ARHGAP40: variants seen among roughly 807,000 people sequenced by gnomAD.
ARHGAP40 encodes the protein rho GTPase-activating protein 40.
ARHGAP40 carries 43 observed loss-of-function variants against 73.5 expected under a neutral mutation model. The ratio of observed to expected loss-of-function variants is 0.58; its 90% CI spans 0.46 to 0.75. ARHGAP40 has a LOEUF of 0.75. Ranked by LOEUF, ARHGAP40 falls within the 30% of genes least tolerant of loss-of-function variation. The pLI, the probability that ARHGAP40 is intolerant of heterozygous loss-of-function variation, is 0.00. For synonymous variants in ARHGAP40, 300 were observed against 352.8 expected (o/e 0.85, Z 1.68); for missense variants, 734 against 861.8 (o/e 0.85, Z 1.86).
At chr20:38,615,327 T>C in intron 1 of ARHGAP40, 1 of 772,796 alleles carries the variant, frequency 1.3e-6, no homozygotes, top group Non-Finnish European at 2.4e-6. Context: ...TTCAGGTTAA[T>C]TGCCAGCCAC....
chr20:38,614,121 T>A (rs887375549), intron 1 of ARHGAP40, among the ~76,000 whole-genome samples: 2 of 152,200 alleles, frequency 1.3e-5, no homozygotes, highest in African/African-American at 4.8e-5. Context: ...GTGCACTGCA[T>A]GTGAGTGTTA....
chr20:38,620,093 A>T (rs980906806), intron 1 of ARHGAP40, among the ~76,000 whole-genome samples: 74 of 152,350 alleles, frequency 4.9e-4, no homozygotes, highest in African/African-American at 1.7e-3. Flanking sequence ...ATGCTTGAAC[A>T]TGTTTGCCCC....
chr20:38,632,285 C>T (rs1333709650), intron 5 of ARHGAP40, among the ~76,000 whole-genome samples: 2 of 135,414 alleles, frequency 1.5e-5, no homozygotes, highest in Non-Finnish European at 3.2e-5. Flanking sequence ...TTTTTTGAGA[C>T]GGAGTCTCGC....
rs1555792070 is a variant in ARHGAP40 at position 38,630,082 on chromosome 20, T to TTTTC, written c.783+448_783+451dup. 7.3e-3 allele frequency among the ~76,000 whole-genome samples: 664 copies of TTTTC among 90,746 alleles called. 4 individuals are homozygous for TTTTC. The highest frequency in any genetic ancestry group is 0.048 in the Middle Eastern group (10 of 210). 59.5% of individuals were successfully genotyped at this position (90,746 alleles called of 152,430 possible). ...CTTTTTTCTTTCTTTCTTTCTTTCT[T>TTTTC]TTTCTTTCTTTCTTTCTTTGTTTTT... On this transcript the variant is annotated intron_variant, in intron 5 of 14. Transcript: ENST00000373345.
exon 15 of ARHGAP40, chr20:38,650,362 G>A (rs936746962): frequency 4.2e-6 from 2 of 471,268 alleles, no homozygotes; most frequent in Non-Finnish European, 8.8e-6. Context: ...TTCGAAAGTG[G>A]CCCTACAATG....
rs951950588 is a variant in ARHGAP40 at position 38,646,296 on chromosome 20, C to A, written c.1710+109C>A. On this transcript the variant is annotated intron_variant, in intron 12 of 14. Transcript: ENST00000373345. This position sits in a 1 kb window ranked among gnomAD's most constrained non-coding sequence, Gnocchi z 4.5. ...GTCCCCGCTACCGGGCTGCCAGCAACGGCCCAGTGAGGCCACCAGGGGGCG... is the reference window on the plus strand; with the variant it reads ...GTCCCCGCTACCGGGCTGCCAGCAAAGGCCCAGTGAGGCCACCAGGGGGCG... 38 of 1,155,858 alleles carry A rather than the reference C, an allele frequency of 3.3e-5. No homozygotes were observed. In the Admixed American group the frequency reaches 1.3e-3, roughly 38 times the overall value. 71.6% of individuals were successfully genotyped at this position (1,155,858 alleles called of 1,614,324 possible).
At chr20:38,627,343 G>GCTGTTGGTATGT (rs1392883510) in intron 3 of ARHGAP40, 128 bp downstream of exon 3, 120 of 658,812 alleles carry the variant, frequency 1.8e-4, no homozygotes, top group Non-Finnish European at 2.4e-4. Context: ...TTGGTGTGTG[G>GCTGTTGGTATGT]GTGTTGGTAT....
rs6070809 is a variant in ARHGAP40, at chr20:38,628,947, C to T, written c.579C>T (p.Gly193=). ...CATAGAAAATGTCGTCAGAGAATGGCGACTCCGGTATGAAGGGGGCCCAGC... is the reference window on the plus strand; with the variant it reads ...CATAGAAAATGTCGTCAGAGAATGGTGACTCCGGTATGAAGGGGGCCCAGC... Residue 193 remains glycine, a synonymous_variant, in exon 4 of 15, where the codon GGC becomes GGT. Coordinates refer to ENST00000373345, the Ensembl canonical transcript of ARHGAP40. The T allele has an allele frequency of 9.5e-5, 124 of 1,303,848 alleles. 1 individual carries two copies. In the East Asian group the frequency reaches 1.1e-3, roughly 12 times the overall value. 80.8% of individuals were successfully genotyped at this position (1,303,848 alleles called of 1,614,324 possible). A position where few individuals can be genotyped will look rare whatever the true frequency, so the allele number is the denominator to read the frequency against.
At chr20:38,641,288 C>G (rs965665738) in intron 9 of ARHGAP40, among the ~76,000 whole-genome samples, 1 of 152,238 alleles carries the variant, frequency 6.6e-6, no homozygotes, top group East Asian at 1.9e-4. Context: ...CCTCCTCTCC[C>G]CGGAGATCCT....
At position 38,639,395 on chromosome 20, in the gene ARHGAP40, G is replaced by T. The variant is rs775557877; in HGVS notation, c.1279+9G>T. 6.1e-6 allele frequency: 8 copies of T among 1,305,170 alleles called. No homozygotes were observed. The highest frequency in any genetic ancestry group is 2.1e-4 in the Middle Eastern group (1 of 4,664). The allele number at this position is 1,305,170 out of a possible 1,614,324, so 80.8% of individuals were successfully genotyped here. On this transcript the variant is annotated intron_variant, in intron 9 of 14. Transcript: ENST00000373345. ...CTTCGCCGTGGTGCCTAGTGAGTGT[G>T]CCCAAGCCCTTAGCCTGTGCAGGGA... is the stretch of plus-strand genomic sequence containing the variant.
At chr20:38,645,481 C>T (rs1371459933) in intron 11 of ARHGAP40, among the ~76,000 whole-genome samples, 2 of 152,222 alleles carry the variant, frequency 1.3e-5, no homozygotes, top group African/African-American at 4.8e-5. Context: ...CCGTGTGTGT[C>T]ACCTTTAGAC....
chr20:38,645,472 C>T (rs1382848080), intron 11 of ARHGAP40, among the ~76,000 whole-genome samples: 2 of 152,204 alleles, frequency 1.3e-5, no homozygotes, highest in African/African-American at 2.4e-5. Flanking sequence ...CGCTCTTCCC[C>T]GTGTGTGTCA....
Position 38,627,219 on chromosome 20 carries a change from A to G in ARHGAP40, c.558+4A>G, listed in dbSNP as rs1322056748. The G allele has an allele frequency of 7.7e-7, 1 of 1,305,080 alleles. No individual in the cohort carries two copies. Among genetic ancestry groups the G allele is most frequent in the Non-Finnish European group, 1.0e-6 (1 of 988,806 alleles). 80.8% of individuals were successfully genotyped at this position (1,305,080 alleles called of 1,614,324 possible). ...CTTTGGGGTCTTCAATTCAGGGGTA[A>G]GTGGCATATGGGTCATTGCAGGCCC... On this transcript the variant is annotated splice_donor_region_variant and intron_variant, in intron 3 of 14. Transcript: ENST00000373345.
At chr20:38,635,675 T>TAG (rs1256484762) in intron 6 of ARHGAP40, among the ~76,000 whole-genome samples, 5 of 151,986 alleles carry the variant, frequency 3.3e-5, no homozygotes, top group Admixed American at 6.6e-5. Context: ...TCTATATATA[T>TAG]AGAACTATGA....
At chr20:38,602,217 C>T (rs977632522) in intron 1 of ARHGAP40, 138 bp downstream of exon 1, 9 of 1,087,126 alleles carry the variant, frequency 8.3e-6, no homozygotes, top group East Asian at 7.1e-5. Context: ...TTGGAGAGCC[C>T]GGTCACCTGG....
chr20:38,642,913 G>A lies in ARHGAP40; in HGVS notation c.1363-791G>A, dbSNP rs559437965. ...CCCTGCACTTTGGGAGGCCAAGACG[G>A]GAGGATCACTTGAAGTCAGGAGTTC... is the stretch of plus-strand genomic sequence containing the variant. On this transcript the variant is annotated intron_variant, in intron 10 of 14. Coordinates refer to ENST00000373345, the Ensembl canonical transcript of ARHGAP40. Among the ~76,000 whole-genome samples the A allele has an allele frequency of 4.6e-5, 7 of 152,304 alleles. No homozygotes were observed. In the East Asian group the frequency reaches 1.3e-3, roughly 29 times the overall value.
chr20:38,628,861 C>T, intron 3 of ARHGAP40, 66 bp from the exon 4 acceptor site: 1 of 1,193,318 alleles, frequency 8.4e-7, no homozygotes, highest in Non-Finnish European at 1.1e-6. Context: ...CTTCTGTCTC[C>T]CAGGGTTGTG....
intron 8 of ARHGAP40, 123 bp from the exon 9 acceptor site, chr20:38,639,104 A>G (rs2088996533): frequency 7.6e-6 from 8 of 1,047,182 alleles, no homozygotes; most frequent in Middle Eastern, 2.6e-4. Flanking sequence ...CTTCAACCCC[A>G]CGAGGGAGGT....
chr20:38,604,941 GAA>G (rs1277591806), intron 1 of ARHGAP40, among the ~76,000 whole-genome samples: 2 of 139,660 alleles, frequency 1.4e-5, no homozygotes, highest in Non-Finnish European at 1.6e-5. Context: ...CACTGCCAAA[GAA>G]AAAAAAAAAA....
Sources: gnomAD v4.1 joint callset for allele counts (sites outside exome capture counted in the v4.1 genomes callset) on GRCh38, gnomAD v4.1.1 for gene constraint, Gnocchi (gnomAD v3.1) non-coding constraint, MANE v1.5 for transcripts, NCBI Gene and HGNC (gene_info 2026-07-23, HGNC 2026-07-21) for gene names.